CAST: variants seen among roughly 807,000 people sequenced by gnomAD.
CAST encodes the protein MIR583 host.
In CAST, 76 loss-of-function variants were observed where a neutral mutation model predicts 119.6. The ratio of observed to expected loss-of-function variants is 0.64; its 90% CI spans 0.53 to 0.77. The LOEUF (loss-of-function observed/expected upper bound fraction) is 0.77. Ranked by LOEUF, CAST falls within the 30% of genes least tolerant of loss-of-function variation. The probability of loss-of-function intolerance (pLI) is 0.00; values close to 1 mark genes in which losing one functional copy is unlikely to be tolerated. For synonymous variants in CAST, 319 were observed against 331.6 expected (o/e 0.96, Z 0.41); for missense variants, 953 against 946.5 (o/e 1.01, Z -0.09).
intron 1 of CAST, among the ~76,000 whole-genome samples, chr5:96,580,965 A>C (rs1008426434): frequency 2.0e-5 from 3 of 152,252 alleles, no homozygotes; most frequent in African/African-American, 7.2e-5. Flanking sequence ...GGACACAATG[A>C]GAAGGCACCA....
the CAST span, among the ~76,000 whole-genome samples, chr5:96,161,068 A>G: frequency 6.6e-6 from 1 of 151,976 alleles, no homozygotes; most frequent in African/African-American, 2.4e-5. Flanking sequence ...TTGTTTTTTC[A>G]CTTTATTGAT....
the CAST span, among the ~76,000 whole-genome samples, chr5:96,162,845 C>T: frequency 9.9e-5 from 15 of 151,974 alleles, no homozygotes; most frequent in African/African-American, 2.9e-4. Flanking sequence ...TATTGATAAG[C>T]GATATTGGTT....
the CAST span, among the ~76,000 whole-genome samples, chr5:96,409,679 A>G: frequency 6.6e-6 from 1 of 152,238 alleles, no homozygotes; most frequent in African/African-American, 2.4e-5. Flanking sequence ...GGGAAATGAC[A>G]ACAGCCAGGG....
chr5:96,460,578 C>T, the CAST span, among the ~76,000 whole-genome samples: 1 of 149,670 alleles, frequency 6.7e-6, no homozygotes, highest in Non-Finnish European at 1.5e-5. Flanking sequence ...AAAAAAAAAC[C>T]AACCCTCAAA....
the CAST span, chr5:96,213,225 T>A: frequency 6.6e-6 from 1 of 152,312 alleles, no homozygotes; most frequent in South Asian, 2.1e-4. Flanking sequence ...AATATAACTA[T>A]TCCCACTTTC....
the CAST span, among the ~76,000 whole-genome samples, chr5:95,999,685 G>T: frequency 6.6e-6 from 1 of 152,192 alleles, no homozygotes. Flanking sequence ...TCCAATTTGG[G>T]GTTATTATTA....
chr5:96,618,551 C>T (rs144107197), intron 1 of CAST, among the ~76,000 whole-genome samples: 7 of 152,324 alleles, frequency 4.6e-5, no homozygotes, highest in South Asian at 2.1e-4. Flanking sequence ...GCATGGCGCT[C>T]GCGAGCTAGC....
intron 1 of CAST, among the ~76,000 whole-genome samples, chr5:96,671,768 C>T (rs1037613295): frequency 1.3e-5 from 2 of 152,236 alleles, no homozygotes; most frequent in East Asian, 3.8e-4. Context: ...CTCCTCAACC[C>T]AGCAGTTACA....
intron 2 of CAST, among the ~76,000 whole-genome samples, chr5:96,685,836 G>T (rs959922586): frequency 2.0e-5 from 3 of 152,228 alleles, no homozygotes; most frequent in Non-Finnish European, 4.4e-5. Context: ...CACTCCAGGT[G>T]ATTCTTCTCT....
intron 19 of CAST, among the ~76,000 whole-genome samples, chr5:96,749,038 A>G (rs986900099): frequency 6.6e-6 from 1 of 152,184 alleles, no homozygotes; most frequent in African/African-American, 2.4e-5. Context: ...AAAAGTTCCT[A>G]TTACCATATT....
intron 1 of CAST, among the ~76,000 whole-genome samples, chr5:96,626,458 C>T (rs1175747511): frequency 1.3e-5 from 2 of 152,198 alleles, no homozygotes; most frequent in African/African-American, 4.8e-5. Flanking sequence ...CATCCTCATT[C>T]CTCCTGCCCT....
chr5:96,119,493 T>C, the CAST span, among the ~76,000 whole-genome samples: 1 of 152,190 alleles, frequency 6.6e-6, no homozygotes, highest in Non-Finnish European at 1.5e-5. Flanking sequence ...CAGCTGCTTG[T>C]TTGGAAGGTC....
chr5:96,633,911 T>G (rs1747853165), intron 1 of CAST, among the ~76,000 whole-genome samples: 1 of 152,226 alleles, frequency 6.6e-6, no homozygotes, highest in South Asian at 2.1e-4. Flanking sequence ...CTCCTTTTAC[T>G]CACAGCCAGT....
the CAST span, among the ~76,000 whole-genome samples, chr5:96,177,653 T>C: frequency 6.6e-6 from 1 of 152,212 alleles, no homozygotes. Flanking sequence ...CTCATACTTA[T>C]AAAACCGGTT....
chr5:95,990,691 T>C, the CAST span, among the ~76,000 whole-genome samples: 1 of 152,144 alleles, frequency 6.6e-6, no homozygotes, highest in African/African-American at 2.4e-5. Context: ...TATAAGCATT[T>C]ATCTTCTTAT....
At chr5:96,462,301 C>T in the CAST span, among the ~76,000 whole-genome samples, 1 of 152,096 alleles carries the variant, frequency 6.6e-6, no homozygotes, top group Non-Finnish European at 1.5e-5. Flanking sequence ...TAGCCCAGCA[C>T]TTGACATCAA....
intron 1 of CAST, among the ~76,000 whole-genome samples, chr5:96,671,721 A>C (rs1179530167): frequency 6.6e-6 from 1 of 152,218 alleles, no homozygotes; most frequent in Non-Finnish European, 1.5e-5. Flanking sequence ...CTCTTTCCCC[A>C]GCTGTCAATC....
chr5:96,629,236 G>T (rs1160915239), intron 1 of CAST, among the ~76,000 whole-genome samples: 1 of 152,132 alleles, frequency 6.6e-6, no homozygotes, highest in Non-Finnish European at 1.5e-5. Context: ...GTGAGTGTTC[G>T]CTTCTACCTT....
At chr5:96,635,120 A>G (rs1438110851) in intron 1 of CAST, among the ~76,000 whole-genome samples, 2 of 152,236 alleles carry the variant, frequency 1.3e-5, no homozygotes, top group African/African-American at 4.8e-5. Context: ...GAGAAAGAGC[A>G]TCCCAGGCAA....
Sources: gnomAD v4.1 joint callset for allele counts (sites outside exome capture counted in the v4.1 genomes callset) on GRCh38, gnomAD v4.1.1 for gene constraint, MANE v1.5 for transcripts, NCBI Gene and HGNC (gene_info 2026-07-23, HGNC 2026-07-21) for gene names.